ATRNL1: variants seen among roughly 807,000 people sequenced by gnomAD.
The protein encoded by ATRNL1 is attractin-like protein 1.
In ATRNL1, 95 loss-of-function variants were observed where a neutral mutation model predicts 182.7. That is an observed-to-expected ratio of 0.52 (90% CI 0.44 to 0.62). ATRNL1 has a LOEUF of 0.62. Among genes scored for constraint, ATRNL1 ranks in the 20% least tolerant of loss-of-function variants. The pLI is 0.00. For missense variants in ATRNL1, 1,471 were observed against 1,679.5 expected, an observed-to-expected ratio of 0.88 and a Z score of 2.17; for synonymous variants, 576 against 568.3, an observed-to-expected ratio of 1.01 and a Z score of -0.19.
intron 26 of ATRNL1, among the ~76,000 whole-genome samples, chr10:115,691,276 C>A (rs1555048111): frequency 6.6e-6 from 1 of 152,158 alleles, no homozygotes; most frequent in African/African-American, 2.4e-5. Flanking sequence ...CACTTCCTTA[C>A]CAACATTGAT....
chr10:115,736,400 C>CT (rs1170759963), intron 27 of ATRNL1, among the ~76,000 whole-genome samples: 2 of 151,848 alleles, frequency 1.3e-5, no homozygotes, highest in Non-Finnish European at 2.9e-5. Context: ...CTATTTGGTT[C>CT]TTTTTTTAAA....
chr10:115,286,493 A>G lies in ATRNL1; in HGVS notation c.2415+96A>G, dbSNP rs935328289. ...TGGTTTTAATACATTATTGTTGCTA[A>G]TTTTGGAAATAAAAGTGAAATTGAT... On this transcript the variant is annotated intron_variant, in intron 15 of 28. Coordinates refer to ENST00000355044, the MANE Select transcript of ATRNL1 (RefSeq NM_207303.4). 17 of 711,698 alleles carry G rather than the reference A, an allele frequency of 2.4e-5. No individual in the cohort carries two copies. In the South Asian group the frequency reaches 4.4e-4, roughly 18 times the overall value. The allele number at this position is 711,698 out of a possible 1,614,324, so 44.1% of individuals were successfully genotyped here. A position where few individuals can be genotyped will look rare whatever the true frequency, so the allele number is the denominator to read the frequency against.
chr10:115,261,490 A>G (rs1178802151), intron 10 of ATRNL1, among the ~76,000 whole-genome samples: 18 of 152,158 alleles, frequency 1.2e-4, no homozygotes, highest in Non-Finnish European at 1.5e-5. Context: ...ATGGAGTTTC[A>G]GGAGGGATGT....
intron 5 of ATRNL1, among the ~76,000 whole-genome samples, chr10:115,156,870 A>G (rs1390674168): frequency 2.0e-5 from 3 of 152,158 alleles, no homozygotes; most frequent in Non-Finnish European, 4.4e-5. Context: ...TCTTGCACAT[A>G]TAGTATGTTC....
chr10:115,560,061 A>G (rs1447747513), intron 26 of ATRNL1, among the ~76,000 whole-genome samples: 1 of 152,232 alleles, frequency 6.6e-6, no homozygotes, highest in Non-Finnish European at 1.5e-5. Context: ...GAGCAATATA[A>G]AAATCAGTTG....
chr10:115,842,259 T>A (rs1555097377), intron 27 of ATRNL1, among the ~76,000 whole-genome samples: 2 of 152,138 alleles, frequency 1.3e-5, no homozygotes, highest in African/African-American at 4.8e-5. Context: ...AATTGCTTTT[T>A]TGGCATGCGA....
intron 26 of ATRNL1, among the ~76,000 whole-genome samples, chr10:115,663,771 C>G (rs917751764): frequency 9.2e-5 from 14 of 152,068 alleles, no homozygotes; most frequent in Non-Finnish European, 1.5e-5. Flanking sequence ...CAAACTGGAC[C>G]TGCTGAGATC....
intron 26 of ATRNL1, among the ~76,000 whole-genome samples, chr10:115,661,171 T>C (rs553365296): frequency 6.6e-6 from 1 of 152,224 alleles, no homozygotes; most frequent in African/African-American, 2.4e-5. Context: ...AATAGCTTGC[T>C]AAAATAAAAT....
At chr10:115,130,176 T>C (rs1292614061) in intron 5 of ATRNL1, among the ~76,000 whole-genome samples, 1 of 152,138 alleles carries the variant, frequency 6.6e-6, no homozygotes. Context: ...TTAAGAGATA[T>C]GCTTATACAT....
intron 25 of ATRNL1, among the ~76,000 whole-genome samples, chr10:115,525,779 A>C (rs137959354): frequency 3.4e-4 from 51 of 151,540 alleles, no homozygotes; most frequent in Admixed American, 2.4e-3. Flanking sequence ...AGGGTATTAC[A>C]TCTCTGTGGT....
intron 19 of ATRNL1, among the ~76,000 whole-genome samples, chr10:115,376,240 G>T (rs1338136534): frequency 2.6e-5 from 4 of 151,858 alleles, no homozygotes; most frequent in African/African-American, 9.7e-5. Context: ...TCCTTGATAT[G>T]TGATGATTCT....
chr10:115,350,559 A>ACCTTCTTT (rs1220004619), intron 19 of ATRNL1, among the ~76,000 whole-genome samples: 1 of 151,962 alleles, frequency 6.6e-6, no homozygotes, highest in Non-Finnish European at 1.5e-5. Flanking sequence ...TGTTCTTGGC[A>ACCTTCTTT]CCTTCTTTGA....
rs782764763 is a variant in ATRNL1 at position 115,315,593 on chromosome 10, G to A, written c.2894G>A (p.Ser965Asn). The A allele has an allele frequency of 3.1e-6, 5 of 1,613,866 alleles. No individual in the cohort carries two copies. Among genetic ancestry groups the A allele is most frequent in the Non-Finnish European group, 3.4e-6 (4 of 1,179,908 alleles). ...GGATGTGGCTGGTGCAATGATCCTA[G>A]TAATACAGGAAGAGGACATTGCATT... is the stretch of plus-strand genomic sequence containing the variant. ...QPGCGWCNDP[S>N]NTGRGHCIEG... is the part of the protein sequence containing the mutation. The change falls in exon 18 of 29, where the codon AGT becomes AAT. Residue 965 changes from serine (S) to asparagine (N), a missense_variant. By Grantham distance (46) the Ser-to-Asn change is conservative. This residue lies in a region of ATRNL1 where 437 missense variants were observed against 506.0 expected (regional missense o/e 0.86). Transcript: ENST00000355044.
intron 1 of ATRNL1, among the ~76,000 whole-genome samples, chr10:115,112,448 C>T (rs7070442): frequency 0.025 from 3,796 of 152,170 alleles, 159 homozygotes; most frequent in African/African-American, 0.086. Context: ...TGCACCAAAA[C>T]AAACTCATAC....
At chr10:115,445,304 C>A (rs551787826) in intron 21 of ATRNL1, among the ~76,000 whole-genome samples, 2 of 150,948 alleles carry the variant, frequency 1.3e-5, no homozygotes, top group Non-Finnish European at 3.0e-5. Flanking sequence ...TGGGGGCACA[C>A]GCCTGTAATC....
chr10:115,877,543 G>A (rs1951727986), intron 28 of ATRNL1, among the ~76,000 whole-genome samples: 1 of 152,156 alleles, frequency 6.6e-6, no homozygotes, highest in African/African-American at 2.4e-5. Context: ...TGTATAAACA[G>A]GCAGATCAGA....
intron 26 of ATRNL1, among the ~76,000 whole-genome samples, chr10:115,661,133 C>G (rs189004604): frequency 2.5e-4 from 38 of 152,074 alleles, no homozygotes; most frequent in African/African-American, 8.2e-4. Context: ...CTGGGATCTT[C>G]TATATTTTAG....
chr10:115,910,108 G>A (rs1952627797), intron 28 of ATRNL1, among the ~76,000 whole-genome samples: 1 of 152,022 alleles, frequency 6.6e-6, no homozygotes, highest in East Asian at 1.9e-4. Flanking sequence ...ACCACTAGGT[G>A]GTAAGAAAGC....
At chr10:115,515,532 A>T (rs1365921786) in intron 24 of ATRNL1, among the ~76,000 whole-genome samples, 1 of 151,832 alleles carries the variant, frequency 6.6e-6, no homozygotes, top group Non-Finnish European at 1.5e-5. Flanking sequence ...AATGTACCTT[A>T]TAAAAGCTAC....
Sources: allele counts gnomAD v4.1 joint callset (sites outside exome capture counted in the v4.1 genomes callset), GRCh38; gene constraint gnomAD v4.1.1; regional missense constraint gnomAD v4.1.1; transcripts MANE v1.5; gene names NCBI Gene and HGNC (gene_info 2026-07-23, HGNC 2026-07-21).